HTR4: variants seen among roughly 807,000 people sequenced by gnomAD.
The protein encoded by HTR4 is 5-hydroxytryptamine receptor 4, also known as 5-hydroxytryptamine (serotonin) receptor 4, G protein-coupled.
Under a neutral mutation model 36.8 loss-of-function variants are expected in HTR4, and 16 were observed. The observed-to-expected ratio is 0.43, with a 90% confidence interval of 0.29 to 0.66. The LOEUF is 0.66. Ranked by LOEUF, HTR4 falls within the 30% of genes least tolerant of loss-of-function variation. The pLI, the probability that HTR4 is intolerant of heterozygous loss-of-function variation, is 0.13. For synonymous variants in HTR4, 189 were observed against 185.1 expected (o/e 1.02, Z -0.17); for missense variants, 438 against 490.9 (o/e 0.89, Z 1.02).
chr5:148,544,463 A>G (rs1759285360), intron 4 of HTR4, among the ~76,000 whole-genome samples: 1 of 152,178 alleles, frequency 6.6e-6, no homozygotes, highest in South Asian at 2.1e-4. Flanking sequence ...CACCAGTGAT[A>G]TATTTCTAGG....
intron 2 of HTR4, among the ~76,000 whole-genome samples, chr5:148,616,903 A>G (rs1375851413): frequency 2.6e-5 from 4 of 152,226 alleles, no homozygotes; most frequent in African/African-American, 9.6e-5. Flanking sequence ...AAGAGTAATT[A>G]ACAGGGTAAA....
intron 2 of HTR4, among the ~76,000 whole-genome samples, chr5:148,588,820 G>T (rs924527249): frequency 2.6e-5 from 4 of 151,632 alleles, no homozygotes; most frequent in Non-Finnish European, 5.9e-5. Flanking sequence ...GATTACAGGC[G>T]TGAGGGTTTT....
At chr5:148,480,505 A>G, downstream of HTR4, among the ~76,000 whole-genome samples, 1 of 152,150 alleles carries the variant, frequency 6.6e-6, no homozygotes, top group Non-Finnish European at 1.5e-5. Flanking sequence ...CAGTCTCCCA[A>G]GTAGTTGGGA....
intron 2 of HTR4, among the ~76,000 whole-genome samples, chr5:148,601,003 A>AAAAAAAAAATG (rs1761974197): frequency 7.5e-6 from 1 of 133,124 alleles, no homozygotes; most frequent in Non-Finnish European, 1.7e-5. Flanking sequence ...AAAAAAAAAA[A>AAAAAAAAAATG]CAAATAATGC....
chr5:148,560,205 T>TA (rs34166829), intron 2 of HTR4, among the ~76,000 whole-genome samples: 1,576 of 91,406 alleles, frequency 0.017, 22 homozygotes, highest in East Asian at 0.056. Context: ...GCTTTTTTTT[T>TA]AAAAAAAAAA....
Position 148,610,105 on chromosome 5 carries a change from C to T in HTR4, c.26+26884G>A, listed in dbSNP as rs555033972. 9.5e-4 allele frequency among the ~76,000 whole-genome samples: 145 copies of T among 152,294 alleles called. 1 individual carries two copies. The highest frequency in any genetic ancestry group is 1.8e-3 in the Non-Finnish European group (123 of 68,032). On this transcript the variant is annotated intron_variant, in intron 2 of 6. Coordinates refer to ENST00000377888, the MANE Select transcript of HTR4 (RefSeq NM_000870.7). The stretch of plus-strand genomic sequence containing the variant: ...ATGTTGTCCTTCCAATAAAACATTG[C>T]TCATCACAACTATCTGAGAAAAAGA...
chr5:148,503,956 G>T (rs953038714), intron 6 of HTR4, among the ~76,000 whole-genome samples: 1 of 152,102 alleles, frequency 6.6e-6, no homozygotes, highest in South Asian at 2.1e-4. Context: ...ATCCTAAATA[G>T]ATATGCACCC....
intron 6 of HTR4, among the ~76,000 whole-genome samples, chr5:148,505,301 G>T (rs1475125728): frequency 2.6e-5 from 4 of 152,098 alleles, no homozygotes; most frequent in Non-Finnish European, 4.4e-5. Flanking sequence ...ATGCAGAAAA[G>T]GCCTTTGACA....
chr5:148,487,468 G>T (rs576333735), intron 6 of HTR4, among the ~76,000 whole-genome samples: 1 of 152,244 alleles, frequency 6.6e-6, no homozygotes, highest in South Asian at 2.1e-4. Context: ...CTTTCTCAAA[G>T]GTCCAGAGGC....
chr5:148,490,612 A>T, intron 6 of HTR4: 1 of 1,167,374 alleles, frequency 8.6e-7, no homozygotes, highest in Non-Finnish European at 1.1e-6. Flanking sequence ...CTTCCCCAGA[A>T]ATGTTGACTA....
At chr5:148,593,982 C>A (rs1034311275) in intron 2 of HTR4, among the ~76,000 whole-genome samples, 1 of 152,130 alleles carries the variant, frequency 6.6e-6, no homozygotes, top group Non-Finnish European at 1.5e-5. Context: ...ATTGTCACAT[C>A]TTTTCTGATG....
chr5:148,554,756 A>G (rs1240220338), intron 2 of HTR4, among the ~76,000 whole-genome samples: 1 of 152,096 alleles, frequency 6.6e-6, no homozygotes, highest in Non-Finnish European at 1.5e-5. Flanking sequence ...TCCATATAAT[A>G]AGCATTGTTT....
At chr5:148,499,212 T>C (rs113095248) in intron 6 of HTR4, among the ~76,000 whole-genome samples, 1,785 of 152,306 alleles carry the variant, frequency 0.012, 32 homozygotes, top group African/African-American at 0.041. Flanking sequence ...CTTTGAGTTA[T>C]AAAAATTAGA....
intron 4 of HTR4, among the ~76,000 whole-genome samples, chr5:148,539,869 G>A (rs570394338): frequency 6.9e-4 from 105 of 152,158 alleles, no homozygotes; most frequent in African/African-American, 2.5e-3. Flanking sequence ...CCCATTACTC[G>A]GTATATACTC....
intron 4 of HTR4, among the ~76,000 whole-genome samples, chr5:148,535,381 C>T (rs148935193): frequency 7.9e-5 from 12 of 152,236 alleles, no homozygotes; most frequent in African/African-American, 2.6e-4. Flanking sequence ...CTTAACCAGG[C>T]TGAGCTGGCT....
At chr5:148,513,615 C>T (rs1020725891) in intron 5 of HTR4, among the ~76,000 whole-genome samples, 3 of 152,068 alleles carry the variant, frequency 2.0e-5, no homozygotes, top group African/African-American at 7.2e-5. Context: ...AATGTTTTAT[C>T]TCAGTATTTC....
chr5:148,555,562 C>T (rs1242541449), intron 2 of HTR4, among the ~76,000 whole-genome samples: 1 of 152,176 alleles, frequency 6.6e-6, no homozygotes, highest in East Asian at 1.9e-4. Context: ...CTGCAAAATT[C>T]ATGTTAGGTC....
At chr5:148,490,906 C>A (rs938986494) in intron 6 of HTR4, 5 of 449,374 alleles carry the variant, frequency 1.1e-5, no homozygotes, top group African/African-American at 8.1e-5. Context: ...AGCTCAGCAT[C>A]CCCAGTTCCT....
At chr5:148,560,416 C>G (rs142775499) in intron 2 of HTR4, among the ~76,000 whole-genome samples, 3 of 152,136 alleles carry the variant, frequency 2.0e-5, no homozygotes, top group African/African-American at 7.2e-5. Flanking sequence ...ACATTTTTAG[C>G]AAGTTCCCAG....
Sources: gnomAD v4.1 joint callset for allele counts (sites outside exome capture counted in the v4.1 genomes callset) on GRCh38, gnomAD v4.1.1 for gene constraint, MANE v1.5 for transcripts, NCBI Gene and HGNC (gene_info 2026-07-23, HGNC 2026-07-21) for gene names.